Variants in HECW2 observed in about 807,000 individuals in gnomAD.
HECW2 encodes the protein E3 ubiquitin-protein ligase HECW2.
HECW2 carries 61 observed loss-of-function variants against 175.2 expected under a neutral mutation model. The ratio of observed to expected loss-of-function variants is 0.35; its 90% CI spans 0.28 to 0.43. The LOEUF is 0.43. Among genes scored for constraint, HECW2 ranks in the 20% least tolerant of loss-of-function variants. The pLI is 1.00. For synonymous variants in HECW2, 671 were observed against 731.0 expected (o/e 0.92, Z 1.32); for missense variants, 1,524 against 2,000.5 (o/e 0.76, Z 4.54).
At chr2:196,409,105 G>C (rs986323106) in intron 2 of HECW2, among the ~76,000 whole-genome samples, 5 of 152,056 alleles carry the variant, frequency 3.3e-5, no homozygotes, top group African/African-American at 4.8e-5. Context: ...TACAGACCAG[G>C]GTTTTTTGTT....
intron 1 of HECW2, among the ~76,000 whole-genome samples, chr2:196,506,669 T>C (rs1687770474): frequency 6.6e-6 from 1 of 151,908 alleles, no homozygotes. Context: ...TTAATTAATA[T>C]TTATTTAAAT....
At chr2:196,307,057 A>T (rs1691292235) in intron 12 of HECW2, 73 bp downstream of exon 12, 3 of 1,042,008 alleles carry the variant, frequency 2.9e-6, no homozygotes, top group Non-Finnish European at 4.4e-6. Flanking sequence ...GAAAAGCCTT[A>T]CTTGTTGGGA....
chr2:196,571,361 T>C (rs1298206609), intron 1 of HECW2, among the ~76,000 whole-genome samples: 1 of 152,142 alleles, frequency 6.6e-6, no homozygotes, highest in Non-Finnish European at 1.5e-5. Flanking sequence ...CTGAAGAATG[T>C]ATCAAAAATA....
intron 19 of HECW2, among the ~76,000 whole-genome samples, chr2:196,248,507 C>T (rs1413076112): frequency 2.6e-5 from 4 of 151,026 alleles, no homozygotes; most frequent in Non-Finnish European, 5.9e-5. Flanking sequence ...GATCAAACAC[C>T]TTTTCTAAAA....
At chr2:196,582,887 T>A (rs74993974) in intron 1 of HECW2, among the ~76,000 whole-genome samples, 20,239 of 152,228 alleles carry the variant, frequency 0.13, 1,430 homozygotes, top group Middle Eastern at 0.22. Context: ...AATTCCCATG[T>A]GGCAACAATA....
chr2:196,591,244 T>C (rs1360977606), intron 1 of HECW2, among the ~76,000 whole-genome samples: 2 of 152,160 alleles, frequency 1.3e-5, no homozygotes, highest in African/African-American at 4.8e-5. Flanking sequence ...TGCCCAAACC[T>C]CAGAGTCTGC....
intron 1 of HECW2, among the ~76,000 whole-genome samples, chr2:196,539,610 G>A (rs1471150308): frequency 6.6e-6 from 1 of 152,056 alleles, no homozygotes; most frequent in African/African-American, 2.4e-5. Flanking sequence ...ACTCCAGCCT[G>A]GACAACAGAG....
At chr2:196,265,311 C>T (rs1003314462) in intron 17 of HECW2, among the ~76,000 whole-genome samples, 4 of 152,114 alleles carry the variant, frequency 2.6e-5, no homozygotes, top group African/African-American at 9.7e-5. Flanking sequence ...ATGGTGAAAC[C>T]CCATCTCTAC....
intron 1 of HECW2, among the ~76,000 whole-genome samples, chr2:196,579,204 C>A (rs1185559888): frequency 6.6e-6 from 1 of 152,084 alleles, no homozygotes; most frequent in African/African-American, 2.4e-5. Context: ...CAAAAAATAT[C>A]ATAACAGTAT....
intron 15 of HECW2, among the ~76,000 whole-genome samples, chr2:196,278,174 A>C (rs1263924484): frequency 5.3e-5 from 7 of 131,322 alleles, no homozygotes; most frequent in African/African-American, 1.8e-4. Flanking sequence ...CATTTAACCA[A>C]GTTATATTCA....
intron 1 of HECW2, among the ~76,000 whole-genome samples, chr2:196,444,453 TA>T (rs1696127157): frequency 6.6e-6 from 1 of 152,194 alleles, no homozygotes; most frequent in Non-Finnish European, 1.5e-5. Context: ...CTATACTCCA[TA>T]GAGTACATTT....
At chr2:196,379,090 A>G (rs1360719642) in intron 2 of HECW2, among the ~76,000 whole-genome samples, 3 of 152,082 alleles carry the variant, frequency 2.0e-5, no homozygotes, top group Non-Finnish European at 4.4e-5. Flanking sequence ...AAAAAAAAAA[A>G]CAAATCCTGA....
At chr2:196,402,629 T>C (rs1415850179) in intron 2 of HECW2, among the ~76,000 whole-genome samples, 1 of 152,188 alleles carries the variant, frequency 6.6e-6, no homozygotes, top group Non-Finnish European at 1.5e-5. Context: ...TAATACACAT[T>C]GTCACAGTAT....
chr2:196,590,054 A>C (rs1175726041), intron 1 of HECW2, among the ~76,000 whole-genome samples: 2 of 152,138 alleles, frequency 1.3e-5, no homozygotes, highest in African/African-American at 4.8e-5. Context: ...TTTGCATTTA[A>C]TAAATAAAAG....
At chr2:196,582,390 T>A (rs57853336) in intron 1 of HECW2, among the ~76,000 whole-genome samples, 1 of 152,194 alleles carries the variant, frequency 6.6e-6, no homozygotes, top group Non-Finnish European at 1.5e-5. Flanking sequence ...CAGTGTGTGA[T>A]CCTAGCTTGA....
Position 196,343,643 on chromosome 2 carries a change from A to G in HECW2, c.400+14T>C, listed in dbSNP as rs1228219323. The G allele has an allele frequency of 2.0e-6, 3 of 1,510,264 alleles. No homozygotes were observed. The highest frequency in any genetic ancestry group is 2.8e-6 in the Non-Finnish European group (3 of 1,086,640). The allele number at this position is 1,510,264 out of a possible 1,614,324, so 93.6% of individuals were successfully genotyped here. A position where few individuals can be genotyped will look rare whatever the true frequency, so the allele number is the denominator to read the frequency against. On this transcript the variant is annotated intron_variant, in intron 3 of 28. Coordinates refer to ENST00000644978, the MANE Select transcript of HECW2 (RefSeq NM_001348768.2). ...GTTCAATAATAAGTTTATATTTCAC[A>G]CTTAGTTACTTACGTTCCATGAAAT...
chr2:196,489,212 T>C (rs1239683779), intron 1 of HECW2, among the ~76,000 whole-genome samples: 1 of 152,190 alleles, frequency 6.6e-6, no homozygotes, highest in Non-Finnish European at 1.5e-5. Context: ...TAGAAGCGTA[T>C]ACTGAACATA....
intron 1 of HECW2, among the ~76,000 whole-genome samples, chr2:196,559,659 G>C (rs947448348): frequency 6.6e-6 from 1 of 152,168 alleles, no homozygotes; most frequent in South Asian, 2.1e-4. Context: ...TCTTCATGCT[G>C]AATTATAACT....
At chr2:196,345,057 G>A (rs6708080) in intron 2 of HECW2, among the ~76,000 whole-genome samples, 31,985 of 152,074 alleles carry the variant, frequency 0.21, 3,814 homozygotes, top group African/African-American at 0.32. Context: ...CACATTATAA[G>A]TCAAAGGTTC....
Sources: allele counts gnomAD v4.1 joint callset (sites outside exome capture counted in the v4.1 genomes callset), GRCh38; gene constraint gnomAD v4.1.1; transcripts MANE v1.5; gene names NCBI Gene and HGNC (gene_info 2026-07-23, HGNC 2026-07-21).